Variants in TRIM5 observed in about 807,000 individuals in gnomAD.
TRIM5 encodes the protein tripartite motif containing 5, also known as tripartite motif-containing protein 5.
TRIM5 carries 31 observed loss-of-function variants against 35.6 expected under a neutral mutation model. That is an observed-to-expected ratio of 0.87 (90% CI 0.65 to 1.18). The LOEUF is 1.18. Ranked by LOEUF, TRIM5 falls within the 50% of genes most tolerant of loss-of-function variation. The pLI is 0.00. For missense variants in TRIM5, 609 were observed against 591.6 expected (o/e 1.03, Z -0.31); for synonymous variants, 243 against 215.6 (o/e 1.13, Z -1.11).
chr11:5,654,312 A>G, the TRIM5 span, among the ~76,000 whole-genome samples: 4 of 152,184 alleles, frequency 2.6e-5, no homozygotes, highest in African/African-American at 9.7e-5. Context: ...ATAGAAAAAT[A>G]CTTTTTGCTT....
chr11:5,603,444 G>A, the TRIM5 span: 1 of 1,614,124 alleles, frequency 6.2e-7, no homozygotes. Flanking sequence ...CAAATGGCAG[G>A]GAATCAGTGA....
At chr11:5,599,649 T>C in the TRIM5 span, among the ~76,000 whole-genome samples, 4 of 152,134 alleles carry the variant, frequency 2.6e-5, no homozygotes, top group African/African-American at 9.7e-5. Flanking sequence ...GTGATCCGCC[T>C]GCCTCAGCCT....
chr11:5,605,276 T>C, the TRIM5 span: 9 of 1,609,498 alleles, frequency 5.6e-6, no homozygotes, highest in African/African-American at 1.3e-5. Flanking sequence ...TCCCCGCTTT[T>C]AATAGAGGAG....
At chr11:5,604,683 A>C in the TRIM5 span, 2 of 1,573,816 alleles carry the variant, frequency 1.3e-6, no homozygotes, top group East Asian at 4.5e-5. Flanking sequence ...GGCAGGTCAT[A>C]GGAGCTGAGG....
intron 1 of TRIM5, among the ~76,000 whole-genome samples, chr11:5,680,869 G>A (rs7127767): frequency 0.54 from 81,492 of 152,046 alleles, 21,946 homozygotes; most frequent in African/African-American, 0.54. Flanking sequence ...TTTATCTTCA[G>A]TATGGTGACC....
chr11:5,603,643 G>A, the TRIM5 span: 11 of 1,613,482 alleles, frequency 6.8e-6, no homozygotes, highest in Admixed American at 1.7e-4. Context: ...CTGTCAGGAG[G>A]ATGGGAAGGT....
the TRIM5 span, among the ~76,000 whole-genome samples, chr11:5,631,587 CTG>C: frequency 3.9e-5 from 6 of 152,102 alleles, no homozygotes; most frequent in Admixed American, 6.5e-5. Context: ...TCTGGAAAGT[CTG>C]TGAGGGCATG....
the TRIM5 span, among the ~76,000 whole-genome samples, chr11:5,630,854 C>T: frequency 2.0e-5 from 3 of 152,326 alleles, no homozygotes; most frequent in East Asian, 5.8e-4. Flanking sequence ...ACCATCTGTT[C>T]ATTACTCAAC....
At chr11:5,676,201 C>A (rs1249852807) in intron 4 of TRIM5, among the ~76,000 whole-genome samples, 2 of 151,818 alleles carry the variant, frequency 1.3e-5, no homozygotes, top group Admixed American at 6.6e-5. Context: ...ATTTATAGTC[C>A]TTTGGGTATA....
chr11:5,618,371 A>AAAACAAAC, the TRIM5 span, among the ~76,000 whole-genome samples: 1 of 152,142 alleles, frequency 6.6e-6, no homozygotes, highest in Non-Finnish European at 1.5e-5. Context: ...CTCCATCTCA[A>AAAACAAAC]AAACAAACAA....
At chr11:5,596,015 G>A in the TRIM5 span, 1 of 152,334 alleles carries the variant, frequency 6.6e-6, no homozygotes, top group South Asian at 2.1e-4. Flanking sequence ...ACCACCTGAG[G>A]GGTCACTGGT....
At chr11:5,598,983 G>A in the TRIM5 span, among the ~76,000 whole-genome samples, 1 of 151,902 alleles carries the variant, frequency 6.6e-6, no homozygotes, top group Non-Finnish European at 1.5e-5. Flanking sequence ...CCCACTCCTG[G>A]GCCCTGGCTT....
At chr11:5,623,622 C>T in the TRIM5 span, among the ~76,000 whole-genome samples, 4 of 150,804 alleles carry the variant, frequency 2.7e-5, no homozygotes, top group Admixed American at 1.3e-4. Context: ...CCTTGTGATC[C>T]GCCCGCCTCA....
the TRIM5 span, chr11:5,641,171 T>C: frequency 6.2e-7 from 1 of 1,613,816 alleles, no homozygotes; most frequent in East Asian, 2.2e-5. Flanking sequence ...TTCTAGGACA[T>C]GAGTGGAATC....
downstream of TRIM5, among the ~76,000 whole-genome samples, chr11:5,659,994 T>C (rs1850760072): frequency 6.6e-6 from 1 of 152,118 alleles, no homozygotes; most frequent in African/African-American, 2.4e-5. Flanking sequence ...CTTTTTTTTT[T>C]GAAACGGAGT....
chr11:5,604,456 C>G, the TRIM5 span: 1 of 1,467,736 alleles, frequency 6.8e-7, no homozygotes, highest in African/African-American at 1.4e-5. Flanking sequence ...AGCAGAATCT[C>G]TGTCCCATTC....
chr11:5,661,525 T>G (rs1850825375), downstream of TRIM5, among the ~76,000 whole-genome samples: 1 of 152,166 alleles, frequency 6.6e-6, no homozygotes, highest in African/African-American at 2.4e-5. Flanking sequence ...CTCTTTTCTC[T>G]GTGCTTCTCC....
chr11:5,629,535 T>A, the TRIM5 span, among the ~76,000 whole-genome samples: 1 of 152,150 alleles, frequency 6.6e-6, no homozygotes, highest in Non-Finnish European at 1.5e-5. Flanking sequence ...GAATTGGCAT[T>A]GTATCATCAT....
the TRIM5 span, among the ~76,000 whole-genome samples, chr11:5,647,381 A>G: frequency 2.0e-5 from 3 of 152,160 alleles, no homozygotes; most frequent in African/African-American, 7.2e-5. Context: ...AGAAATGCAT[A>G]TCTCTTTTTT....
Sources: allele counts gnomAD v4.1 joint callset (sites outside exome capture counted in the v4.1 genomes callset), GRCh38; gene constraint gnomAD v4.1.1; transcripts MANE v1.5; gene names NCBI Gene and HGNC (gene_info 2026-07-23, HGNC 2026-07-21).